The following PLCXD1 variants were observed in gnomAD, a reference collection of about 807,000 sequenced individuals.
PLCXD1 encodes PI-PLC X domain-containing protein 1.
In PLCXD1, 45 loss-of-function variants were observed where a neutral mutation model predicts 37.8. The ratio of observed to expected loss-of-function variants is 1.19; its 90% CI spans 0.94 to 1.53. The LOEUF (loss-of-function observed/expected upper bound fraction) is 1.53. Among genes scored for constraint, PLCXD1 ranks in the 40% most tolerant of loss-of-function variants. The pLI, the probability that PLCXD1 is intolerant of heterozygous loss-of-function variation, is 0.00. For missense variants in PLCXD1, 539 were observed against 454.7 expected (o/e 1.19, Z -1.69); for synonymous variants, 246 against 206.9 (o/e 1.19, Z -1.62).
chrX:280,349 G>GA (rs1569564331), upstream of PLCXD1, among the ~76,000 whole-genome samples: 8,748 of 88,920 alleles, frequency 0.098, 1,685 homozygotes, highest in Non-Finnish European at 0.11. Flanking sequence ...AGGCCGTGCA[G>GA]GGGGAAGGGG....
intron 6 of PLCXD1, among the ~76,000 whole-genome samples, chrX:295,252 C>T (rs954314935): frequency 2.0e-5 from 3 of 151,798 alleles, no homozygotes; most frequent in African/African-American, 7.3e-5. Context: ...GTGTGAGGTG[C>T]AGACAGCGTC....
At chrX:279,014 G>A (rs774486744), upstream of PLCXD1, among the ~76,000 whole-genome samples, 74 of 152,272 alleles carry the variant, frequency 4.9e-4, no homozygotes, top group Non-Finnish European at 3.7e-4. Context: ...GAGAGTCAGC[G>A]AAGGGAGATG....
intron 5 of PLCXD1, 42 bp from the exon 6 acceptor site, chrX:292,993 T>C: frequency 1.4e-6 from 2 of 1,443,216 alleles, no homozygotes; most frequent in Non-Finnish European, 1.9e-6. Context: ...TGCCCCCGGC[T>C]CTCCTCTCTC....
In PLCXD1 at chrX:284,332, C is replaced by A; in HGVS notation, c.127+18C>A. 6.2e-7 allele frequency: 1 copy of A among 1,612,220 alleles called. No individual in the cohort carries two copies. Among genetic ancestry groups the A allele is most frequent in the Non-Finnish European group, 8.5e-7 (1 of 1,179,650 alleles). ...CATCCCAGGTGAGGTTGGGGTGGGG[C>A]AGGGGCCGTTGCCTCTATCCCAGGT... On this transcript the variant is annotated intron_variant, in intron 2 of 6. Transcript: ENST00000381657.
intron 6 of PLCXD1, among the ~76,000 whole-genome samples, chrX:294,260 A>G (rs1602896420): frequency 6.6e-6 from 1 of 152,184 alleles, no homozygotes; most frequent in Non-Finnish European, 1.5e-5. Context: ...AGGCGGGCGG[A>G]TCATGAGGTC....
chrX:285,412 C>T (rs192752188), intron 2 of PLCXD1, among the ~76,000 whole-genome samples: 160 of 151,630 alleles, frequency 1.1e-3, no homozygotes, highest in Non-Finnish European at 1.7e-3. Flanking sequence ...ATATATACAC[C>T]TGCAGATATA....
chrX:286,641 A>C, intron 2 of PLCXD1, among the ~76,000 whole-genome samples: 1 of 152,248 alleles, frequency 6.6e-6, no homozygotes, highest in African/African-American at 2.4e-5. Context: ...GGGGAACGTG[A>C]CTGGGGGCTA....
At position 290,686 on chromosome X, in the gene PLCXD1, G is replaced by A. The variant is rs747187105; in HGVS notation, c.303G>A (p.Arg101=). The part of the protein sequence containing the change: ...DVTEQLDAGV[R]YLDLRIAHML... ...CAGAGCAGCTGGATGCCGGGGTGCG[G>A]TACCTGGACCTGCGGATAGCCCACA... The change falls in exon 4 of 7, where the codon CGG becomes CGA. Residue 101 remains arginine, a synonymous_variant. Coordinates refer to ENST00000381657, the MANE Select transcript of PLCXD1 (RefSeq NM_018390.4). 2 of 1,613,744 alleles carry A rather than the reference G, an allele frequency of 1.2e-6. No homozygotes were observed. The highest frequency in any genetic ancestry group is 2.2e-5 in the South Asian group (2 of 91,074).
In PLCXD1 at chrX:281,411, T is replaced by C. The variant is rs148672604; in HGVS notation, c.-295T>C. The C allele has an allele frequency of 0.028, 4,279 of 152,782 alleles. 135 individuals are homozygous for C. The highest frequency in any genetic ancestry group is 0.11 in the East Asian group (541 of 4,962). The allele number at this position is 152,782 out of a possible 1,614,324, so 9.5% of individuals were successfully genotyped here. On this transcript the variant is annotated 5_prime_UTR_variant, in exon 1 of 7. The change abolishes an upstream ATG in the 5' untranslated region. Coordinates refer to ENST00000381657, the MANE Select transcript of PLCXD1 (RefSeq NM_018390.4). ...GGGCAGCAGGGAAGATCTGAGTTCA[T>C]GTAGCTGGTGTTGGCTTAGGGTCTG... is the stretch of plus-strand genomic sequence containing the variant.
At chrX:285,546 GAC>G (rs1428858696) in intron 2 of PLCXD1, among the ~76,000 whole-genome samples, 1 of 85,222 alleles carries the variant, frequency 1.2e-5, no homozygotes, top group Non-Finnish European at 2.5e-5. Context: ...CATGCACACA[GAC>G]ATACACATGT....
In PLCXD1 at chrX:302,393, AC is replaced by A. The variant is rs1258863835; in HGVS notation, c.*3059del. The A allele has an allele frequency of 6.6e-5, 10 of 151,180 alleles. No individual in the cohort carries two copies. The highest frequency in any genetic ancestry group is 2.2e-4 in the African/African-American group (9 of 41,226). 9.4% of individuals were successfully genotyped at this position (151,180 alleles called of 1,614,324 possible). A position where few individuals can be genotyped will look rare whatever the true frequency, so the allele number is the denominator to read the frequency against. On this transcript the variant is annotated 3_prime_UTR_variant, in exon 7 of 7. Coordinates refer to ENST00000381657, the MANE Select transcript of PLCXD1 (RefSeq NM_018390.4). ...AGTTTCAGACGCAGATCCTGCAAAT[AC>A]TTTTTTTTGTTTTTTTGAGATGGAT...
At chrX:283,032 AATATGTAT>A (rs1319067889) in intron 1 of PLCXD1, 4 of 140,888 alleles carry the variant, frequency 2.8e-5, no homozygotes, top group African/African-American at 5.2e-5. Context: ...TTATGTATAT[AATATGTAT>A]ATATGTATAT....
chrX:279,410 T>C (rs1294796441), upstream of PLCXD1, among the ~76,000 whole-genome samples: 2 of 152,134 alleles, frequency 1.3e-5, no homozygotes, highest in African/African-American at 2.4e-5. Flanking sequence ...ACTGCTCCAC[T>C]GGTGGTGAGG....
chrX:294,776 C>G (rs1955565310), intron 6 of PLCXD1, among the ~76,000 whole-genome samples: 1 of 152,054 alleles, frequency 6.6e-6, no homozygotes, highest in African/African-American at 2.4e-5. Context: ...TGTACTCCAG[C>G]CTGGGCAACA....
Position 289,510 on chromosome X carries a change from C to CTT in PLCXD1, c.264+645_264+646dup, listed in dbSNP as rs1281823641. On this transcript the variant is annotated intron_variant, in intron 3 of 6. Coordinates refer to ENST00000381657, the MANE Select transcript of PLCXD1 (RefSeq NM_018390.4). ...AGAGACAACACCTTTCTTTTTCTTT[C>CTT]TTTTTCTTTTTTTTTTTTTTGAGAC... is the stretch of plus-strand genomic sequence containing the variant. Among the ~76,000 whole-genome samples the CTT allele has an allele frequency of 8.0e-4, 78 of 97,824 alleles. 2 individuals carry two copies. Among genetic ancestry groups the CTT allele is most frequent in the South Asian group, 5.5e-3 (21 of 3,824 alleles). 64.2% of individuals were successfully genotyped at this position (97,824 alleles called of 152,430 possible). A position where few individuals can be genotyped will look rare whatever the true frequency, so the allele number is the denominator to read the frequency against.
intron 2 of PLCXD1, among the ~76,000 whole-genome samples, chrX:285,392 C>G (rs2069419898): frequency 2.0e-5 from 3 of 151,084 alleles, no homozygotes. Flanking sequence ...ATATTTGCAC[C>G]TATGCACACA....
chrX:286,867 G>A (rs1602856580), intron 2 of PLCXD1, among the ~76,000 whole-genome samples: 1 of 151,962 alleles, frequency 6.6e-6, no homozygotes, highest in Admixed American at 6.6e-5. Flanking sequence ...GGTGGGGGTA[G>A]GGGGCAGCAG....
At chrX:284,385 C>T (rs1291933192) in intron 2 of PLCXD1, 71 bp downstream of exon 2, 29 of 1,561,364 alleles carry the variant, frequency 1.9e-5, no homozygotes, top group African/African-American at 2.7e-5. Context: ...GGAGCTGTGG[C>T]GTCTGCATTC....
chrX:289,516 CTT>C (rs759211019), intron 3 of PLCXD1, among the ~76,000 whole-genome samples: 1 of 135,276 alleles, frequency 7.4e-6, no homozygotes, highest in African/African-American at 2.8e-5. Flanking sequence ...CTTTCTTTTT[CTT>C]TTTTTTTTTT....
Sources: allele counts gnomAD v4.1 joint callset (sites outside exome capture counted in the v4.1 genomes callset), GRCh38; gene constraint gnomAD v4.1.1; transcripts MANE v1.5; gene names NCBI Gene and HGNC (gene_info 2026-07-23, HGNC 2026-07-21).